Variants in CCDC126 observed in about 807,000 individuals in gnomAD.
The protein encoded by CCDC126 is coiled-coil domain containing 126, also known as coiled-coil domain-containing protein 126.
Under a neutral mutation model 11.7 loss-of-function variants are expected in CCDC126, and 5 were observed. That is an observed-to-expected ratio of 0.43 (90% CI 0.22 to 0.90). The LOEUF (loss-of-function observed/expected upper bound fraction) is 0.90. CCDC126 is among the 40% of genes least tolerant of loss of function. CCDC126 has a pLI of 0.27. For synonymous variants in CCDC126, 60 were observed against 61.9 expected, an observed-to-expected ratio of 0.97 and a Z score of 0.14; for missense variants, 150 against 163.1, an observed-to-expected ratio of 0.92 and a Z score of 0.44.
intron 3 of CCDC126, among the ~76,000 whole-genome samples, chr7:23,637,800 AG>A (rs1160568032): frequency 7.4e-5 from 1 of 13,524 alleles, no homozygotes; most frequent in Non-Finnish European, 1.6e-4. Flanking sequence ...GGAGGCGGGG[AG>A]GGGGGGGTCG....
At chr7:23,608,370 C>T (rs1019793194) in intron 2 of CCDC126, among the ~76,000 whole-genome samples, 1 of 152,208 alleles carries the variant, frequency 6.6e-6, no homozygotes, top group East Asian at 1.9e-4. Context: ...TTCTGTTTAG[C>T]CCAAGCTTGT....
chr7:23,619,076 TC>T (rs1417324128), intron 3 of CCDC126, among the ~76,000 whole-genome samples: 1 of 152,144 alleles, frequency 6.6e-6, no homozygotes, highest in Non-Finnish European at 1.5e-5. Flanking sequence ...CATTTACTCT[TC>T]CAGTTTCCAG....
At chr7:23,637,856 G>T (rs1274097495) in intron 3 of CCDC126, among the ~76,000 whole-genome samples, 2 of 115,746 alleles carry the variant, frequency 1.7e-5, no homozygotes, top group African/African-American at 6.2e-5. Context: ...TCAGCCCCCC[G>T]CCCGGCCGGC....
Position 23,616,529 on chromosome 7 carries a change from C to T in CCDC126, c.238+4976C>T, listed in dbSNP as rs550633123. ...GATCTTTTTCCCCTCAACCCTCATG[C>T]TTCATTGTAAGTTTGGCTGGGTGTA... On this transcript the variant is annotated intron_variant, in intron 3 of 3. Coordinates refer to ENST00000307471, the MANE Select transcript of CCDC126 (RefSeq NM_138771.4). Among the ~76,000 whole-genome samples, 347 of 152,278 alleles carry T rather than the reference C, an allele frequency of 2.3e-3. 7 individuals carry two copies. The highest frequency in any genetic ancestry group is 2.4e-3 in the Non-Finnish European group (161 of 68,020).
At chr7:23,638,764 A>G (rs1334336819) in intron 3 of CCDC126, among the ~76,000 whole-genome samples, 1 of 138,860 alleles carries the variant, frequency 7.2e-6, no homozygotes, top group African/African-American at 2.6e-5. Flanking sequence ...GATCTATAGC[A>G]GTAGTCTGCC....
intron 3 of CCDC126, among the ~76,000 whole-genome samples, chr7:23,623,238 A>G (rs1022626079): frequency 3.3e-5 from 5 of 151,462 alleles, no homozygotes; most frequent in African/African-American, 1.2e-4. Context: ...CTGGGATTGC[A>G]GGCATGAGCC....
At chr7:23,621,644 C>T (rs1295900393) in intron 3 of CCDC126, among the ~76,000 whole-genome samples, 1 of 152,312 alleles carries the variant, frequency 6.6e-6, no homozygotes, top group South Asian at 2.1e-4. Context: ...GAGAGGTCAT[C>T]CCTGTCTTGT....
chr7:23,612,257 G>A (rs1453571068), intron 3 of CCDC126, among the ~76,000 whole-genome samples: 4 of 151,340 alleles, frequency 2.6e-5, no homozygotes. Context: ...AGGAGTTTGA[G>A]ACTAGCCTAG....
At chr7:23,638,044 A>C (rs1783272075) in intron 3 of CCDC126, among the ~76,000 whole-genome samples, 2 of 126,266 alleles carry the variant, frequency 1.6e-5, no homozygotes, top group East Asian at 2.7e-4. Context: ...CCTACTGGGA[A>C]GTGAGGAGCC....
chr7:23,637,113 C>A (rs1349588734), intron 3 of CCDC126, among the ~76,000 whole-genome samples: 6 of 88,488 alleles, frequency 6.8e-5, no homozygotes, highest in Admixed American at 5.7e-4. Context: ...GCCGCCCCGT[C>A]CGGGAGGTGA....
At chr7:23,638,201 C>G (rs1330664370) in intron 3 of CCDC126, among the ~76,000 whole-genome samples, 2 of 152,028 alleles carry the variant, frequency 1.3e-5, no homozygotes, top group African/African-American at 4.8e-5. Flanking sequence ...GGCCACGACC[C>G]CGTCTGGGAG....
intron 3 of CCDC126, among the ~76,000 whole-genome samples, chr7:23,616,716 G>T (rs940815430): frequency 6.6e-6 from 1 of 152,112 alleles, no homozygotes; most frequent in African/African-American, 2.4e-5. Flanking sequence ...ATCTTGTAAG[G>T]TCTGTGTCCC....
intron 2 of CCDC126, among the ~76,000 whole-genome samples, chr7:23,598,966 T>A (rs953621759): frequency 1.3e-5 from 2 of 152,238 alleles, no homozygotes; most frequent in Admixed American, 6.5e-5. Context: ...GGTTTTTTTT[T>A]AAATGTGGAA....
intron 3 of CCDC126, among the ~76,000 whole-genome samples, chr7:23,612,852 T>C (rs1018529529): frequency 2.6e-5 from 4 of 152,230 alleles, no homozygotes; most frequent in Non-Finnish European, 5.9e-5. Context: ...CTGTTCTCCC[T>C]TTCACATTAC....
chr7:23,604,505 A>T (rs1371887961), intron 2 of CCDC126, among the ~76,000 whole-genome samples: 1 of 152,160 alleles, frequency 6.6e-6, no homozygotes, highest in Non-Finnish European at 1.5e-5. Flanking sequence ...TGTTACTCAG[A>T]TTACCAAGAA....
intron 3 of CCDC126, among the ~76,000 whole-genome samples, chr7:23,619,719 T>C (rs1380337713): frequency 2.8e-5 from 4 of 141,550 alleles, no homozygotes; most frequent in Middle Eastern, 6.8e-3. Flanking sequence ...CTCCTAATGC[T>C]ATCCCTCCCC....
intron 3 of CCDC126, among the ~76,000 whole-genome samples, chr7:23,634,808 A>G (rs1783178401): frequency 6.6e-6 from 1 of 152,156 alleles, no homozygotes; most frequent in Non-Finnish European, 1.5e-5. Context: ...TCTGCCAGAC[A>G]GCCTGCCTTG....
intron 3 of CCDC126, among the ~76,000 whole-genome samples, chr7:23,634,842 C>G (rs1463506594): frequency 6.6e-6 from 1 of 152,154 alleles, no homozygotes; most frequent in African/African-American, 2.4e-5. Flanking sequence ...ACGAGGTGAC[C>G]TTGGACTTGG....
At chr7:23,633,055 C>G (rs957827294) in intron 3 of CCDC126, among the ~76,000 whole-genome samples, 4 of 152,130 alleles carry the variant, frequency 2.6e-5, no homozygotes, top group African/African-American at 7.2e-5. Context: ...TGCAATGGCG[C>G]GATCTCGGCT....
Sources: gnomAD v4.1 joint callset for allele counts (sites outside exome capture counted in the v4.1 genomes callset) on GRCh38, gnomAD v4.1.1 for gene constraint, MANE v1.5 for transcripts, NCBI Gene and HGNC (gene_info 2026-07-23, HGNC 2026-07-21) for gene names.